DYM: variants seen among roughly 807,000 people sequenced by gnomAD.
DYM encodes dymeclin, also known as dyggve-Melchior-Clausen syndrome protein.
In DYM, 78 loss-of-function variants were observed where a neutral mutation model predicts 93.1. The observed-to-expected ratio is 0.84, with a 90% CI of 0.70 to 1.01. The LOEUF (loss-of-function observed/expected upper bound fraction) is 1.01. DYM is among the 50% of genes least tolerant of loss of function. The probability of loss-of-function intolerance (pLI) is 0.00; values close to 1 mark genes in which losing one functional copy is unlikely to be tolerated. For synonymous variants in DYM, 321 were observed against 319.7 expected, an observed-to-expected ratio of 1.00 and a Z score of -0.04; for missense variants, 789 against 845.0, an observed-to-expected ratio of 0.93 and a Z score of 0.82.
At chr18:49,363,786 G>T (rs1294846779) in intron 5 of DYM, among the ~76,000 whole-genome samples, 2 of 152,096 alleles carry the variant, frequency 1.3e-5, no homozygotes, top group Non-Finnish European at 2.9e-5. Flanking sequence ...AAGGTAAAAG[G>T]GCTTTCCCAA....
chr18:49,216,967 G>C (rs1243312861), intron 13 of DYM, among the ~76,000 whole-genome samples: 1 of 152,150 alleles, frequency 6.6e-6, no homozygotes, highest in Non-Finnish European at 1.5e-5. Context: ...AGCTACAGGA[G>C]GAAATTCAAA....
At chr18:49,457,882 G>C (rs893743549) in intron 1 of DYM, among the ~76,000 whole-genome samples, 4 of 152,190 alleles carry the variant, frequency 2.6e-5, no homozygotes, top group South Asian at 4.1e-4. Context: ...TATGATCAGA[G>C]AGATGCAACA....
chr18:49,109,827 C>A (rs554791575), intron 16 of DYM, among the ~76,000 whole-genome samples: 10 of 152,322 alleles, frequency 6.6e-5, no homozygotes, highest in Middle Eastern at 6.8e-3. Context: ...AAAAGATAAT[C>A]TAGAGCAAAG....
At chr18:49,075,794 C>G (rs1328249391) in intron 17 of DYM, among the ~76,000 whole-genome samples, 2 of 152,146 alleles carry the variant, frequency 1.3e-5, no homozygotes, top group East Asian at 3.8e-4. Context: ...ACTGTTTACT[C>G]TGTTTTGTAG....
intron 8 of DYM, among the ~76,000 whole-genome samples, chr18:49,314,929 G>A (rs116892764): frequency 1.4e-4 from 22 of 152,294 alleles, no homozygotes; most frequent in Admixed American, 4.6e-4. Context: ...AGGCCAGGCC[G>A]GTGTCTGAGG....
chr18:49,054,307 T>C (rs778746754), intron 17 of DYM, among the ~76,000 whole-genome samples: 4 of 152,192 alleles, frequency 2.6e-5, no homozygotes, highest in Non-Finnish European at 4.4e-5. Flanking sequence ...AGTGGTGCGA[T>C]CTCGGCTCAC....
chr18:49,377,257 A>C (rs1417799186), intron 5 of DYM, among the ~76,000 whole-genome samples: 9 of 152,092 alleles, frequency 5.9e-5, no homozygotes, highest in Non-Finnish European at 1.3e-4. Flanking sequence ...CTTCCCCATA[A>C]TATTGTTTTT....
chr18:49,439,725 C>T (rs1022799029), intron 1 of DYM, among the ~76,000 whole-genome samples: 2 of 152,070 alleles, frequency 1.3e-5, no homozygotes, highest in South Asian at 2.1e-4. Flanking sequence ...GGTAACAGGC[C>T]AGGAACTGTG....
At chr18:49,287,331 A>G (rs1246538021) in intron 8 of DYM, among the ~76,000 whole-genome samples, 1 of 149,770 alleles carries the variant, frequency 6.7e-6, no homozygotes, top group Non-Finnish European at 1.5e-5. Flanking sequence ...TTTCATATAT[A>G]TATTTAAATA....
intron 13 of DYM, 139 bp downstream of exon 13, chr18:49,256,867 TCAAC>T: frequency 1.5e-6 from 1 of 688,594 alleles, no homozygotes; most frequent in Non-Finnish European, 2.5e-6. Flanking sequence ...CGAGCTATTT[TCAAC>T]CAAACAAGAA....
intron 13 of DYM, among the ~76,000 whole-genome samples, chr18:49,213,892 T>C (rs552921818): frequency 1.7e-3 from 265 of 152,266 alleles, no homozygotes; most frequent in African/African-American, 6.1e-3. Flanking sequence ...CTTGAATAAA[T>C]GAAGAAATAC....
chr18:49,147,460 TAATATACAG>T (rs1436758573), intron 15 of DYM, among the ~76,000 whole-genome samples: 1 of 152,170 alleles, frequency 6.6e-6, no homozygotes, highest in African/African-American at 2.4e-5. Flanking sequence ...GACAAAGGGC[TAATATACAG>T]AATCTACAAA....
rs963244669 is a variant in DYM at position 49,389,558 on chromosome 18, G to A, written c.193+2035C>T. 4.6e-5 allele frequency among the ~76,000 whole-genome samples: 7 copies of A among 152,014 alleles called. No homozygotes were observed. In the East Asian group the frequency reaches 7.7e-4, roughly 17 times the overall value. The stretch of plus-strand genomic sequence containing the variant: ...ATTGTCCAGACTGGAGTCCAGTGGC[G>A]CCATCATGGTTCCCTGCAGCCTCAA... On this transcript the variant is annotated intron_variant, in intron 3 of 17. Transcript: ENST00000675505.
chr18:49,128,724 A>G (rs956132968), intron 15 of DYM, among the ~76,000 whole-genome samples: 1 of 152,238 alleles, frequency 6.6e-6, no homozygotes, highest in Non-Finnish European at 1.5e-5. Context: ...AAATGTAATT[A>G]AAATAGAAAC....
chr18:49,207,870 C>T (rs529912268), intron 14 of DYM, among the ~76,000 whole-genome samples: 24 of 152,054 alleles, frequency 1.6e-4, no homozygotes, highest in African/African-American at 3.9e-4. Flanking sequence ...GTGGAGAGTC[C>T]GATGATACAC....
chr18:49,446,776 C>T (rs1312029673), intron 1 of DYM, among the ~76,000 whole-genome samples: 1 of 151,890 alleles, frequency 6.6e-6, no homozygotes, highest in South Asian at 2.1e-4. Flanking sequence ...AAGTTAAGAC[C>T]AGCTGGGTGC....
At chr18:49,294,622 A>C (rs12607897) in intron 8 of DYM, among the ~76,000 whole-genome samples, 14,388 of 152,198 alleles carry the variant, frequency 0.095, 875 homozygotes, top group East Asian at 0.31. Context: ...GAAAAAATAA[A>C]CCTCATTTTT....
At chr18:49,350,038 C>G (rs2064972162) in intron 6 of DYM, among the ~76,000 whole-genome samples, 1 of 152,202 alleles carries the variant, frequency 6.6e-6, no homozygotes, top group Non-Finnish European at 1.5e-5. Context: ...CAAGGCTCTA[C>G]TAGAGGCTTT....
chr18:49,223,571 G>C lies in DYM; in HGVS notation c.1461-13856C>G, dbSNP rs548110783. Among the ~76,000 whole-genome samples, 112 of 152,156 alleles carry C rather than the reference G, an allele frequency of 7.4e-4. 2 individuals are homozygous for C. Among genetic ancestry groups the C allele is most frequent in the African/African-American group, 2.7e-3 (111 of 41,522 alleles). ...TAATGTGAATATGGGTTTTGAATCA[G>C]CTAATATTAAGGGAAGTGTTGTTAA... On this transcript the variant is annotated intron_variant, in intron 13 of 17. Transcript: ENST00000675505.
Sources: allele counts gnomAD v4.1 joint callset (sites outside exome capture counted in the v4.1 genomes callset), GRCh38; gene constraint gnomAD v4.1.1; transcripts MANE v1.5; gene names NCBI Gene and HGNC (gene_info 2026-07-23, HGNC 2026-07-21).